KIRREL3: variants seen among roughly 807,000 people sequenced by gnomAD.
KIRREL3 encodes kin of IRRE-like protein 3.
Under a neutral mutation model 89.7 loss-of-function variants are expected in KIRREL3, and 36 were observed. The observed-to-expected ratio is 0.40, with a 90% CI of 0.31 to 0.53. The LOEUF (loss-of-function observed/expected upper bound fraction) is 0.53, where lower values mean the gene tolerates loss of function less well. KIRREL3 is among the 20% of genes least tolerant of loss of function. KIRREL3 has a pLI of 0.49. For synonymous variants in KIRREL3, 445 were observed against 441.4 expected (o/e 1.01, Z -0.10); for missense variants, 864 against 1,056.6 (o/e 0.82, Z 2.53).
intron 1 of KIRREL3, among the ~76,000 whole-genome samples, chr11:126,866,162 G>T (rs1390055176): frequency 6.6e-6 from 1 of 152,238 alleles, no homozygotes; most frequent in African/African-American, 2.4e-5. Flanking sequence ...GAGTGATGGG[G>T]GAGGGAGGCC....
At chr11:126,507,988 G>T (rs960540101) in intron 4 of KIRREL3, among the ~76,000 whole-genome samples, 5 of 152,142 alleles carry the variant, frequency 3.3e-5, no homozygotes, top group African/African-American at 1.2e-4. Context: ...GACTTCGTTT[G>T]TGTGCGACAA....
At position 126,634,715 on chromosome 11, in the gene KIRREL3, C is replaced by G. The variant is rs942456968; in HGVS notation, c.56-71803G>C. On this transcript the variant is annotated intron_variant, in intron 1 of 16. Transcript: ENST00000525144. ...TGCATCGGGTGGAATGCAGTCCTCT[C>G]TCACCAAGCTCTTGCACTCCATTGC... Among the ~76,000 whole-genome samples, 10 of 152,310 alleles carry G rather than the reference C, an allele frequency of 6.6e-5. No individual in the cohort carries two copies. In the South Asian group the frequency reaches 8.3e-4, roughly 13 times the overall value.
In KIRREL3 at chr11:126,847,895, T is replaced by C. The variant is rs1944202589; in HGVS notation, c.55+152560A>G. Among the ~76,000 whole-genome samples the C allele has an allele frequency of 1.3e-5, 2 of 152,220 alleles. 1 individual carries two copies. Among genetic ancestry groups the C allele is most frequent in the Admixed American group, 1.3e-4 (2 of 15,286 alleles). On this transcript the variant is annotated intron_variant, in intron 1 of 16. Coordinates refer to ENST00000525144, the MANE Select transcript of KIRREL3 (RefSeq NM_032531.4). Reference sequence around the variant, plus strand: ...TATTTACATAAGTGTAATAAGAATCTATTTTCTTTTGTAACAGGACACAAT... The same window carrying C: ...TATTTACATAAGTGTAATAAGAATCCATTTTCTTTTGTAACAGGACACAAT...
In KIRREL3 at chr11:126,898,528, G is replaced by C. The variant is rs530590953; in HGVS notation, c.55+101927C>G. Among the ~76,000 whole-genome samples, 1 of 152,272 alleles carries C rather than the reference G, an allele frequency of 6.6e-6. No homozygotes were observed. The highest frequency in any genetic ancestry group is 2.1e-4 in the South Asian group (1 of 4,826). On this transcript the variant is annotated intron_variant, in intron 1 of 16. Transcript: ENST00000525144. The surrounding 1 kb of genome is among the most constrained non-coding windows in gnomAD (Gnocchi z 4.9). ...TGCAGCAATTAGAAACAATGAAGTG[G>C]GCAGATACCTAACAATACGAACAAT...
At chr11:126,732,828 C>T (rs1218275504) in intron 1 of KIRREL3, among the ~76,000 whole-genome samples, 1 of 152,210 alleles carries the variant, frequency 6.6e-6, no homozygotes, top group Non-Finnish European at 1.5e-5. Flanking sequence ...CAGGGGGAAC[C>T]CCTTATCTTA....
intron 1 of KIRREL3, among the ~76,000 whole-genome samples, chr11:126,893,993 C>T (rs1201554749): frequency 2.6e-5 from 4 of 152,028 alleles, no homozygotes; most frequent in East Asian, 1.9e-4. Flanking sequence ...AATGAGATGG[C>T]GGGTATGACA....
chr11:126,560,588 G>A (rs1268557644), intron 2 of KIRREL3, among the ~76,000 whole-genome samples: 1 of 152,086 alleles, frequency 6.6e-6, no homozygotes, highest in Non-Finnish European at 1.5e-5. Flanking sequence ...AGGGAGGAGT[G>A]GAGAGAGAAG....
At chr11:126,925,389 C>A (rs1467634432) in intron 1 of KIRREL3, among the ~76,000 whole-genome samples, 1 of 152,156 alleles carries the variant, frequency 6.6e-6, no homozygotes, top group Non-Finnish European at 1.5e-5. Context: ...AGGGATGGGA[C>A]AGTGATCAGG....
intron 1 of KIRREL3, among the ~76,000 whole-genome samples, chr11:126,799,823 C>A (rs1392999132): frequency 6.6e-6 from 1 of 152,140 alleles, no homozygotes; most frequent in African/African-American, 2.4e-5. Flanking sequence ...CTAAAAGGAG[C>A]TAAGTCTGCT....
chr11:126,840,765 T>C (rs1943939906), intron 1 of KIRREL3, among the ~76,000 whole-genome samples: 1 of 152,222 alleles, frequency 6.6e-6, no homozygotes, highest in South Asian at 2.1e-4. Flanking sequence ...TCAGTAGCCC[T>C]CTGGGTTTTC....
rs751476627 is a variant in KIRREL3, at chr11:126,748,647, CA to C, written c.56-185736del. 1.8e-4 allele frequency among the ~76,000 whole-genome samples: 27 copies of C among 152,026 alleles called. No homozygotes were observed. Among genetic ancestry groups the C allele is most frequent in the Non-Finnish European group, 3.4e-4 (23 of 68,006 alleles). ...GGCCTCTGCGGGAAGGGGGCAGGGG[CA>C]GGAAGGCCAAGGCTGATTCGGCCTT... On this transcript the variant is annotated intron_variant, in intron 1 of 16. Transcript: ENST00000525144. This position sits in a 1 kb window ranked among gnomAD's most constrained non-coding sequence, Gnocchi z 4.6.
chr11:126,856,173 T>C (rs1190451790), intron 1 of KIRREL3, among the ~76,000 whole-genome samples: 1 of 152,088 alleles, frequency 6.6e-6, no homozygotes. Flanking sequence ...CTCTGGAAAA[T>C]TCCACAGTAA....
At chr11:126,699,626 C>G (rs1401545046) in intron 1 of KIRREL3, among the ~76,000 whole-genome samples, 1 of 151,956 alleles carries the variant, frequency 6.6e-6, no homozygotes, top group Non-Finnish European at 1.5e-5. Context: ...TCTTCAAAGT[C>G]TGGTATATAT....
At chr11:126,925,462 C>T (rs538008827) in intron 1 of KIRREL3, among the ~76,000 whole-genome samples, 1 of 152,280 alleles carries the variant, frequency 6.6e-6, no homozygotes, top group Non-Finnish European at 1.5e-5. Context: ...CTGAGGCCAG[C>T]TTGGGGGATT....
intron 1 of KIRREL3, among the ~76,000 whole-genome samples, chr11:126,681,341 T>A (rs1248999945): frequency 6.6e-6 from 1 of 152,234 alleles, no homozygotes. Flanking sequence ...AAAGTGATGA[T>A]TGATGTGCAG....
chr11:126,760,286 T>C (rs1404995986), intron 1 of KIRREL3, among the ~76,000 whole-genome samples: 1 of 152,210 alleles, frequency 6.6e-6, no homozygotes. Context: ...ACCTAGATCA[T>C]CAAATATGTT....
chr11:126,534,176 G>A lies in KIRREL3; in HGVS notation c.134-7489C>T, dbSNP rs573828687. Among the ~76,000 whole-genome samples, 4 of 151,882 alleles carry A rather than the reference G, an allele frequency of 2.6e-5. No individual in the cohort carries two copies. The East Asian group carries it at 7.8e-4, about 30-fold the overall frequency. ...TGGTAGGTGAGCTCAGGTGTTGGAA[G>A]CCTTGGCCAGCTGCTGTGAGCCATG... On this transcript the variant is annotated intron_variant, in intron 2 of 16. Coordinates refer to ENST00000525144, the MANE Select transcript of KIRREL3 (RefSeq NM_032531.4).
At chr11:126,932,159 G>A (rs1014153232) in intron 1 of KIRREL3, among the ~76,000 whole-genome samples, 8 of 152,158 alleles carry the variant, frequency 5.3e-5, no homozygotes, top group Non-Finnish European at 1.0e-4. Flanking sequence ...CTCCTATCCT[G>A]ATTCTCAAAC....
chr11:126,781,154 A>C (rs1472971511), intron 1 of KIRREL3, among the ~76,000 whole-genome samples: 1 of 152,178 alleles, frequency 6.6e-6, no homozygotes, highest in African/African-American at 2.4e-5. Context: ...TATGTCTGCA[A>C]GACTTTCTAA....
Sources: allele counts gnomAD v4.1 joint callset (sites outside exome capture counted in the v4.1 genomes callset), GRCh38; gene constraint gnomAD v4.1.1; non-coding constraint Gnocchi (gnomAD v3.1); transcripts MANE v1.5; gene names NCBI Gene and HGNC (gene_info 2026-07-23, HGNC 2026-07-21).